GSTM3: variants seen among roughly 807,000 people sequenced by gnomAD.
The protein encoded by GSTM3 is glutathione S-transferase mu 3.
GSTM3 carries 34 observed loss-of-function variants against 36.1 expected under a neutral mutation model. The ratio of observed to expected loss-of-function variants is 0.94; its 90% CI spans 0.72 to 1.25. The LOEUF (loss-of-function observed/expected upper bound fraction) is 1.25, where lower values mean the gene tolerates loss of function less well. GSTM3 is among the 50% of genes most tolerant of loss of function. GSTM3 has a pLI of 0.00. For synonymous variants in GSTM3, 102 were observed against 99.5 expected, an observed-to-expected ratio of 1.03 and a Z score of -0.15; for missense variants, 266 against 281.6, an observed-to-expected ratio of 0.94 and a Z score of 0.40.
chr1:109,737,379 A>C, intron 8 of GSTM3, 78 bp downstream of exon 8: 1 of 984,634 alleles, frequency 1.0e-6, no homozygotes, highest in Non-Finnish European at 1.6e-6. Flanking sequence ...CCGGGGAAGA[A>C]TCCTCCACTA....
rs1649235553 is a variant in GSTM3, at chr1:109,737,461, A to G, written c.575T>C (p.Phe192Ser). The G allele has an allele frequency of 8.8e-6, 14 of 1,597,398 alleles. No individual in the cohort carries two copies. The highest frequency in any genetic ancestry group is 1.1e-5 in the South Asian group (1 of 90,750). ...GAAAGGTGCAGGAAACGTCACCTCA[A>G]AACGGCACATGAAAGCCTTCAGGTT... ...FPNLKAFMCR[F>S]EALEKIAAYL... Residue 192 changes from phenylalanine to serine, a missense_variant, in exon 8 of 9, where the codon TTT becomes TCT. Transcript: ENST00000361066.
rs1334621185 is a variant in GSTM3 at position 109,737,081 on chromosome 1, G to C, written c.668C>G (p.Pro223Arg). 1 of 1,604,888 alleles carries C rather than the reference G, an allele frequency of 6.2e-7. No individual in the cohort carries two copies. The highest frequency in any genetic ancestry group is 8.5e-7 in the Non-Finnish European group (1 of 1,171,536). Residue 223 changes from proline to arginine, a missense_variant, in exon 9 of 9, where the codon CCT (proline) becomes CGT (arginine). Physicochemically the swap from Pro to Arg is moderately radical, Grantham distance 103 (BLOSUM62 -2). Transcript: ENST00000361066. ...AAGTCTGCCTCCTGCTCAGCATACA[G>C]GCTTGTTGCCCCACTGGGCCATCTT... ...NNKMAQWGNK[P>R]VC
At position 109,738,171 on chromosome 1, in the gene GSTM3, T is replaced by C. The variant is rs777677390; in HGVS notation, c.292A>G (p.Lys98Glu). 4.3e-6 allele frequency: 7 copies of C among 1,613,740 alleles called. No individual in the cohort carries two copies. In the Admixed American group the frequency reaches 6.7e-5, roughly 15 times the overall value. The part of the protein sequence containing the change: ...HNMCGETEEE[K>E]IRVDIIENQV... ...TTCTCTATGATGTCCACTCGAATCT[T>C]TTCTTCTTCAGTCTCACCACCTGTA... The change falls in exon 6 of 9, where the codon AAG (lysine) becomes GAG (glutamate). Residue 98 changes from lysine (K) to glutamate (E), a missense_variant. By Grantham distance (56) the Lys-to-Glu change is moderately conservative (BLOSUM62 1). Transcript: ENST00000361066.
intron 4 of GSTM3, among the ~76,000 whole-genome samples, 187 bp from the exon 5 acceptor site, chr1:109,738,553 T>C (rs945770696): frequency 6.6e-6 from 1 of 152,200 alleles, no homozygotes; most frequent in African/African-American, 2.4e-5. Flanking sequence ...GGTTCTTAAA[T>C]TGGTGTGTGT....
rs994148679 is a variant in GSTM3, at chr1:109,740,471, T to G, written c.-184A>C. ...GCGCGACTAATGCCGGCGTTGGGGT[T>G]CAGGGCCTGGCGACCCCGAGGCGGG... On this transcript the variant is annotated 5_prime_UTR_variant, in exon 2 of 9. Coordinates refer to ENST00000361066, the MANE Select transcript of GSTM3 (RefSeq NM_000849.5). The G allele has an allele frequency of 4.9e-6, 3 of 608,674 alleles. No individual in the cohort carries two copies. The highest frequency in any genetic ancestry group is 8.6e-6 in the Non-Finnish European group (3 of 348,102). 37.7% of individuals were successfully genotyped at this position (608,674 alleles called of 1,614,324 possible).
chr1:109,738,044 CCT>C, intron 6 of GSTM3, 45 bp downstream of exon 6: 1 of 1,230,016 alleles, frequency 8.1e-7, no homozygotes, highest in Non-Finnish European at 1.2e-6. Context: ...CCTAAATACC[CCT>C]TTTTCTGATA....
In GSTM3 at chr1:109,740,291, G is replaced by T. The variant is rs36210754; in HGVS notation, c.-4C>A. ...CCATAGACGACTCGCACGACATGGT[G>T]ACGGGCTTCCGAGCCTTCGAGGACT... On this transcript the variant is annotated 5_prime_UTR_variant, in exon 2 of 9. Transcript: ENST00000361066. The T allele has an allele frequency of 6.2e-7, 1 of 1,613,124 alleles. No individual in the cohort carries two copies. The highest frequency in any genetic ancestry group is 8.5e-7 in the Non-Finnish European group (1 of 1,179,292).
At chr1:109,739,541 C>A in intron 3 of GSTM3, 48 bp from the exon 4 acceptor site, 1 of 1,331,412 alleles carries the variant, frequency 7.5e-7, no homozygotes. Flanking sequence ...AATACCCCAC[C>A]TGACAAGAGC....
chr1:109,736,368 T>C lies in GSTM3; in HGVS notation c.*703A>G, dbSNP rs1393429856. 6.6e-6 allele frequency: 1 copy of C among 152,220 alleles called. No homozygotes were observed. The highest frequency in any genetic ancestry group is 1.5e-5 in the Non-Finnish European group (1 of 68,044). 9.4% of individuals were successfully genotyped at this position (152,220 alleles called of 1,614,324 possible). A position where few individuals can be genotyped will look rare whatever the true frequency, so the allele number is the denominator to read the frequency against. ...CAATTGGCAAATCTTTCCTTTGTGA[T>C]TGTTATTATTTTAAAAAGTAAAAGA... On this transcript the variant is annotated 3_prime_UTR_variant, in exon 9 of 9. Transcript: ENST00000361066.
intron 6 of GSTM3, 93 bp downstream of exon 6, chr1:109,737,998 G>A (rs1457953137): frequency 1.9e-5 from 16 of 824,166 alleles, no homozygotes; most frequent in Non-Finnish European, 3.1e-5. Flanking sequence ...TGGGAAGGTA[G>A]CAGCAGCAGA....
At position 109,739,455 on chromosome 1, in the gene GSTM3, A is replaced by C; in HGVS notation, c.163T>G (p.Phe55Val). Residue 55 changes from phenylalanine (F) to valine (V), a missense_variant, in exon 4 of 9, where the codon TTC (phenylalanine) becomes GTC (valine). Transcript: ENST00000361066. Reference protein sequence around the residue: ...YDRSQWLDVKFKLDLDFPNLP... With the variant: ...YDRSQWLDVKVKLDLDFPNLP... ...TTAGGAAAGTCCAGGTCTAGCTTGA[A>C]TTTCACATCCAGCCATTGGCTTCGA... 6.2e-7 allele frequency: 1 copy of C among 1,612,666 alleles called. No homozygotes were observed. The highest frequency in any genetic ancestry group is 1.1e-5 in the South Asian group (1 of 90,974).
chr1:109,740,414 T>C lies in GSTM3; in HGVS notation c.-127A>G, dbSNP rs2101354869. 2.5e-6 allele frequency: 2 copies of C among 792,216 alleles called. No individual in the cohort carries two copies. Among genetic ancestry groups the C allele is most frequent in the Non-Finnish European group, 4.1e-6 (2 of 489,032 alleles). 49.1% of individuals were successfully genotyped at this position (792,216 alleles called of 1,614,324 possible). On this transcript the variant is annotated 5_prime_UTR_variant, in exon 2 of 9. Coordinates refer to ENST00000361066, the MANE Select transcript of GSTM3 (RefSeq NM_000849.5). The stretch of plus-strand genomic sequence containing the variant: ...CCGCCTCCGCCCCGTTCTCCGTCCC[T>C]TGCCTCCGCGGCTCCACAGGGCCGT...
At position 109,740,302 on chromosome 1, in the gene GSTM3, G is replaced by A. The variant is rs756669682; in HGVS notation, c.-15C>T. The A allele has an allele frequency of 8.1e-6, 13 of 1,611,810 alleles. No individual in the cohort carries two copies. The highest frequency in any genetic ancestry group is 2.2e-5 in the East Asian group (1 of 44,858). On this transcript the variant is annotated 5_prime_UTR_variant, in exon 2 of 9. Transcript: ENST00000361066. ...TCGCACGACATGGTGACGGGCTTCCGAGCCTTCGAGGACTAGGGAAACTGT... is the reference window on the plus strand; with the variant it reads ...TCGCACGACATGGTGACGGGCTTCCAAGCCTTCGAGGACTAGGGAAACTGT...
Position 109,737,026 on chromosome 1 carries a change from A to T in GSTM3, c.*45T>A. ...AGCAAAGCAAGAGCGCTGACCCCTT[A>T]CGGACAGGATGAAACAAAACAAGCT... On this transcript the variant is annotated 3_prime_UTR_variant, in exon 9 of 9. Transcript: ENST00000361066. The T allele has an allele frequency of 8.2e-7, 1 of 1,212,720 alleles. No homozygotes were observed. The highest frequency in any genetic ancestry group is 1.2e-6 in the Non-Finnish European group (1 of 814,602). The allele number at this position is 1,212,720 out of a possible 1,614,324, so 75.1% of individuals were successfully genotyped here.
chr1:109,738,427 T>C, intron 4 of GSTM3, 61 bp from the exon 5 acceptor site: 1 of 1,066,622 alleles, frequency 9.4e-7, no homozygotes, highest in Non-Finnish European at 1.5e-6. Flanking sequence ...CCTACCTCTC[T>C]CTCCAGGGGA....
At chr1:109,739,295 C>A (rs968549162) in intron 4 of GSTM3, 134 bp downstream of exon 4, 158 of 563,602 alleles carry the variant, frequency 2.8e-4, no homozygotes, top group Middle Eastern at 7.7e-4. Flanking sequence ...GTTCAAGGAC[C>A]CCTGAATTCT....
chr1:109,739,574 G>T, intron 3 of GSTM3, 81 bp from the exon 4 acceptor site: 1 of 1,040,980 alleles, frequency 9.6e-7, no homozygotes. Flanking sequence ...GAAATGACTT[G>T]GTCCCAATAC....
Position 109,740,458 on chromosome 1 carries a change from C to A in GSTM3, c.-171G>T. ...GGGCCGTGCGCAGGCGCGACTAATG[C>A]CGGCGTTGGGGTTCAGGGCCTGGCG... is the stretch of plus-strand genomic sequence containing the variant. On this transcript the variant is annotated 5_prime_UTR_variant, in exon 2 of 9. Transcript: ENST00000361066. 1 of 624,464 alleles carries A rather than the reference C, an allele frequency of 1.6e-6. No individual in the cohort carries two copies. 38.7% of individuals were successfully genotyped at this position (624,464 alleles called of 1,614,324 possible). A position where few individuals can be genotyped will look rare whatever the true frequency, so the allele number is the denominator to read the frequency against.
Position 109,738,471 on chromosome 1 carries a change from G to T in GSTM3, c.190-105C>A, listed in dbSNP as rs971950713. The T allele has an allele frequency of 8.0e-5, 59 of 741,772 alleles. 2 individuals are homozygous for T. In the Middle Eastern group the frequency reaches 1.4e-3, roughly 18 times the overall value. The allele number at this position is 741,772 out of a possible 1,614,324, so 45.9% of individuals were successfully genotyped here. On this transcript the variant is annotated intron_variant, in intron 4 of 8. Coordinates refer to ENST00000361066, the MANE Select transcript of GSTM3 (RefSeq NM_000849.5). ...CTTGCAGGGCAGTGAACAAGAGTGA[G>T]AAGATGCTGTGTTAGGAGAAAAAAG...
Sources: gnomAD v4.1 joint callset for allele counts (sites outside exome capture counted in the v4.1 genomes callset) on GRCh38, gnomAD v4.1.1 for gene constraint, MANE v1.5 for transcripts, NCBI Gene and HGNC (gene_info 2026-07-23, HGNC 2026-07-21) for gene names.